The following MST1 variants were observed in gnomAD, a reference collection of about 807,000 sequenced individuals.
MST1 encodes the protein macrophage stimulating 1, also known as hepatocyte growth factor-like protein.
In MST1, 76 loss-of-function variants were observed where a neutral mutation model predicts 100.1. That is an observed-to-expected ratio of 0.76 (90% CI 0.63 to 0.92). The LOEUF is 0.92. MST1 is among the 40% of genes least tolerant of loss of function. MST1 has a pLI of 0.00. For missense variants in MST1, 850 were observed against 990.0 expected, an observed-to-expected ratio of 0.86 and a Z score of 1.90; for synonymous variants, 352 against 385.4, an observed-to-expected ratio of 0.91 and a Z score of 1.01.
At chr3:49,686,267 A>G in intron 8 of MST1, 46 bp downstream of exon 8, 1 of 1,525,404 alleles carries the variant, frequency 6.6e-7, no homozygotes, top group South Asian at 1.1e-5. Flanking sequence ...CTCCCGTCTC[A>G]CCCGCAGCAG....
At chr3:49,686,566 A>G (rs2053775902) in intron 7 of MST1, 85 bp from the exon 8 acceptor site, 2 of 1,566,172 alleles carry the variant, frequency 1.3e-6, no homozygotes, top group Non-Finnish European at 1.7e-6. Flanking sequence ...TCCCAGGTGT[A>G]CGGTACTCCA....
At position 49,685,261 on chromosome 3, in the gene MST1, C is replaced by A; in HGVS notation, c.1544+1G>T. On this transcript the variant is annotated splice_donor_variant, in intron 13 of 17. Transcript: ENST00000449682. LOFTEE classifies it high-confidence loss of function. The stretch of plus-strand genomic sequence containing the variant: ...GTGGGAGACAGGCAGTTGTGCCTCA[C>A]CGATTCCGCAAGCTGACTGTCCAGG... The A allele has an allele frequency of 6.2e-7, 1 of 1,613,240 alleles. No homozygotes were observed. The highest frequency in any genetic ancestry group is 8.5e-7 in the Non-Finnish European group (1 of 1,179,806).
chr3:49,687,721 A>G (rs755730406), intron 2 of MST1, 29 bp downstream of exon 2: 4 of 1,613,512 alleles, frequency 2.5e-6, no homozygotes, highest in Non-Finnish European at 2.5e-6. Context: ...CCCTGCCCCC[A>G]GTCTTATCTA....
At position 49,688,603 on chromosome 3, in the gene MST1, A is replaced by C. The variant is rs2054009815; in HGVS notation, c.89T>G (p.Val30Gly). 6.2e-7 allele frequency: 1 copy of C among 1,612,110 alleles called. No homozygotes were observed. Among genetic ancestry groups the C allele is most frequent in the South Asian group, 1.1e-5 (1 of 90,578 alleles). ...TCAGGGTTGGGGGCACTTACCAGGG[A>C]CCCCTAAGCATTGAGTCAGAAGCAG... ...LLLLLTQCLGVPGQRSPLNDF... is the reference protein window; with the variant it reads ...LLLLLTQCLGGPGQRSPLNDF... Residue 30 changes from valine (V) to glycine (G), a missense_variant, in exon 1 of 18, where the codon GTC becomes GGC. Around this residue, in one of 2 missense-constraint regions of MST1, gnomAD observed 34 missense variants for 65.5 expected, o/e 0.52. Coordinates refer to ENST00000449682, the MANE Select transcript of MST1 (RefSeq NM_020998.4).
At position 49,687,060 on chromosome 3, in the gene MST1, A is replaced by C. The variant is rs1296995063; in HGVS notation, c.615T>G (p.Cys205Trp). The C allele has an allele frequency of 1.2e-6, 2 of 1,612,288 alleles. No individual in the cohort carries two copies. ...GGTATTCCTCGCCATTGCACCAGACACACGCGGCTGGAGACAAAGAGCCAG... is the reference window on the plus strand; with the variant it reads ...GGTATTCCTCGCCATTGCACCAGACCCACGCGGCTGGAGACAAAGAGCCAG... ...CGIKSCREAACVWCNGEEYRG... is the reference protein window; with the variant it reads ...CGIKSCREAAWVWCNGEEYRG... Residue 205 changes from cysteine (C) to tryptophan (W), a missense_variant, in exon 6 of 18, where the codon TGT (cysteine) becomes TGG (tryptophan). By Grantham distance (215) the Cys-to-Trp change is radical. This residue lies in a region of MST1 where 816 missense variants were observed against 924.6 expected (regional missense o/e 0.88). Coordinates refer to ENST00000449682, the MANE Select transcript of MST1 (RefSeq NM_020998.4).
At position 49,687,030 on chromosome 3, in the gene MST1, G is replaced by T; in HGVS notation, c.645C>A (p.Gly215=). The T allele has an allele frequency of 2.5e-6, 4 of 1,611,648 alleles. No homozygotes were observed. The highest frequency in any genetic ancestry group is 3.4e-6 in the Non-Finnish European group (4 of 1,179,846). Residue 215 remains glycine (G), a synonymous_variant, in exon 6 of 18, where the codon GGC becomes GGA. Transcript: ENST00000449682. ...CVWCNGEEYR[G]AVDRTESGRE... is the part of the protein sequence containing the mutation. Reference sequence around the variant, plus strand: ...GCCCTGACTCCGTGCGGTCTACCGCGCCGCGGTATTCCTCGCCATTGCACC... The same window carrying T: ...GCCCTGACTCCGTGCGGTCTACCGCTCCGCGGTATTCCTCGCCATTGCACC...
rs535257518 is a variant in MST1 at position 49,686,128 on chromosome 3, G to T, written c.1081C>A (p.Arg361=). Residue 361 remains arginine (R), a synonymous_variant, in exon 9 of 18, where the codon CGG becomes AGG. Transcript: ENST00000449682. ...CAAAAGGCCGCGCGCATGCCGGGCCGCAGTGTGAAGCACCAGGGCGCCTCT... is the reference window on the plus strand; with the variant it reads ...CAAAAGGCCGCGCGCATGCCGGGCCTCAGTGTGAAGCACCAGGGCGCCTCT... ...GSEAPWCFTL[R]PGMRAAFCYQ... 1.9e-6 allele frequency: 3 copies of T among 1,611,084 alleles called. No individual in the cohort carries two copies. The African/African-American group carries it at 4.0e-5, about 22-fold the overall frequency.
In MST1 at chr3:49,685,013, A is replaced by C. The variant is rs2053582921; in HGVS notation, c.1621T>G (p.Cys541Gly). The change falls in exon 14 of 18, where the codon TGC becomes GGC. Residue 541 changes from cysteine to glycine, a missense_variant and splice_region_variant. Around this residue, in one of 2 missense-constraint regions of MST1, gnomAD observed 816 missense variants for 924.6 expected, o/e 0.88. Transcript: ENST00000449682. ...ILTARQCFSS[C>G]HMPLTGYEVW... The stretch of plus-strand genomic sequence containing the variant: ...TCCCCAAACACAAGGGAGGCTCACC[A>C]GGAGGAGAAGCACTGCCGGGCAGTC... 2.0e-5 allele frequency: 32 copies of C among 1,612,144 alleles called. No homozygotes were observed. Among genetic ancestry groups the C allele is most frequent in the Non-Finnish European group, 2.5e-5 (30 of 1,179,296 alleles).
chr3:49,686,613 C>A, intron 7 of MST1, 71 bp downstream of exon 7: 1 of 1,550,124 alleles, frequency 6.5e-7, no homozygotes, highest in Non-Finnish European at 8.7e-7. Context: ...GCCCCTCTTA[C>A]CTCCCCGGCC....
At position 49,687,565 on chromosome 3, in the gene MST1, G is replaced by C; in HGVS notation, c.346C>G (p.Gln116Glu). The change falls in exon 3 of 18, where the codon CAG (glutamine) becomes GAG (glutamate). Residue 116 changes from glutamine to glutamate, a missense_variant. Gln to Glu is a conservative substitution (Grantham distance 29). This residue lies in a region of MST1 where 816 missense variants were observed against 924.6 expected (regional missense o/e 0.88). Coordinates refer to ENST00000449682, the MANE Select transcript of MST1 (RefSeq NM_020998.4). ...CTCCACCCCCACTTGCCTTTCTTCT[G>C]GAAGAGGTCACAGCGCCCAGAACGC... is the stretch of plus-strand genomic sequence containing the variant. ...LRRSGRCDLF[Q>E]KKDYVRTCIM... The C allele has an allele frequency of 6.2e-7, 1 of 1,613,516 alleles. No individual in the cohort carries two copies. Among genetic ancestry groups the C allele is most frequent in the South Asian group, 1.1e-5 (1 of 91,078 alleles).
chr3:49,687,217 C>T lies in MST1; in HGVS notation c.539G>A (p.Gly180Asp), dbSNP rs375128236. ...FCRNPDGDPG[G>D]PWCYTTDPAV... Reference sequence around the variant, plus strand: ...AGGGTCTGTTGTGTAGCACCAAGGACCTCCGGGGTCGCCATCAGGGTTACG... The same window carrying T: ...AGGGTCTGTTGTGTAGCACCAAGGATCTCCGGGGTCGCCATCAGGGTTACG... The change falls in exon 5 of 18, where the codon GGT (glycine) becomes GAT (aspartate). Residue 180 changes from glycine (G) to aspartate (D), a missense_variant. Physicochemically the swap from Gly to Asp is moderately conservative, Grantham distance 94 (BLOSUM62 -1). Around this residue, in one of 2 missense-constraint regions of MST1, gnomAD observed 816 missense variants for 924.6 expected, o/e 0.88. Transcript: ENST00000449682. 15 of 1,613,368 alleles carry T rather than the reference C, an allele frequency of 9.3e-6. No individual in the cohort carries two copies. The highest frequency in any genetic ancestry group is 1.2e-5 in the Non-Finnish European group (14 of 1,179,892).
Position 49,686,958 on chromosome 3 carries a change from G to A in MST1, c.717C>T (p.Phe239=), listed in dbSNP as rs1238434379. 7 of 1,611,216 alleles carry A rather than the reference G, an allele frequency of 4.3e-6. No individual in the cohort carries two copies. The highest frequency in any genetic ancestry group is 5.9e-6 in the Non-Finnish European group (7 of 1,179,724). ...CCGCCTACGCGTACTTGCCCGGCTCGAAGGGGTGCTGGTGCGGGTGCTGAA... is the reference window on the plus strand; with the variant it reads ...CCGCCTACGCGTACTTGCCCGGCTCAAAGGGGTGCTGGTGCGGGTGCTGAA... The part of the protein sequence containing the change: ...WDLQHPHQHP[F]EPGKFLDQGL... Residue 239 remains phenylalanine, a synonymous_variant, in exon 6 of 18, where the codon TTC becomes TTT. Coordinates refer to ENST00000449682, the MANE Select transcript of MST1 (RefSeq NM_020998.4).
chr3:49,687,745 C>T lies in MST1; in HGVS notation c.242+5G>A, dbSNP rs368752247. 2 of 1,613,436 alleles carry T rather than the reference C, an allele frequency of 1.2e-6. No homozygotes were observed. The highest frequency in any genetic ancestry group is 1.3e-5 in the African/African-American group (1 of 74,926). The stretch of plus-strand genomic sequence containing the variant: ...CAGTCTTATCTAGGCCCAGTGGCCA[C>T]TCACCGGCAGTCCATTAAGGGCCCA... On this transcript the variant is annotated splice_donor_5th_base_variant and intron_variant, in intron 2 of 17. Coordinates refer to ENST00000449682, the MANE Select transcript of MST1 (RefSeq NM_020998.4).
In MST1 at chr3:49,686,268, C is replaced by G. The variant is rs563926900; in HGVS notation, c.1016+45G>C. 8.7e-6 allele frequency: 14 copies of G among 1,604,070 alleles called. No homozygotes were observed. The East Asian group carries it at 2.9e-4, about 34-fold the overall frequency. Reference sequence around the variant, plus strand: ...CCGTGACTACCTTCCTCCCGTCTCACCCGCAGCAGCACGTCCCAACGCCCG... The same window carrying G: ...CCGTGACTACCTTCCTCCCGTCTCAGCCGCAGCAGCACGTCCCAACGCCCG... On this transcript the variant is annotated intron_variant, in intron 8 of 17. Coordinates refer to ENST00000449682, the MANE Select transcript of MST1 (RefSeq NM_020998.4).
Position 49,684,334 on chromosome 3 carries a change from C to A in MST1, c.1996G>T (p.Ala666Ser), listed in dbSNP as rs542575850. ...ESEMCTEGLL[A>S]PVGACEGDYG... ...CCAACCTCACAGGCCCCCACAGGGG[C>A]CAACAGTCCCTCAGTGCACATCTCA... Residue 666 changes from alanine (A) to serine (S), a missense_variant, in exon 17 of 18, where the codon GCC (alanine) becomes TCC (serine). Ala to Ser is a moderately conservative substitution (Grantham distance 99). Around this residue, in one of 2 missense-constraint regions of MST1, gnomAD observed 816 missense variants for 924.6 expected, o/e 0.88. Coordinates refer to ENST00000449682, the MANE Select transcript of MST1 (RefSeq NM_020998.4). 24 of 1,613,152 alleles carry A rather than the reference C, an allele frequency of 1.5e-5. No homozygotes were observed. In the African/African-American group the frequency reaches 3.1e-4, roughly 21 times the overall value.
At position 49,685,310 on chromosome 3, in the gene MST1, A is replaced by G. The variant is rs3882325; in HGVS notation, c.1496T>C (p.Val499Ala). The G allele has an allele frequency of 1.9e-6, 3 of 1,613,168 alleles. No individual in the cohort carries two copies. Among genetic ancestry groups the G allele is most frequent in the Non-Finnish European group, 2.5e-6 (3 of 1,179,818 alleles). ...LDQRRSKLRV[V>A]GGHPGNSPWT... Reference sequence around the variant, plus strand: ...GGGTGAGTTGCCCGGATGGCCCCCAACCACGCGCAGCTTGGAACGCCGCTG... The same window carrying G: ...GGGTGAGTTGCCCGGATGGCCCCCAGCCACGCGCAGCTTGGAACGCCGCTG... Residue 499 changes from valine (V) to alanine (A), a missense_variant, in exon 13 of 18, where the codon GTT becomes GCT. Physicochemically the swap from Val to Ala is moderately conservative, Grantham distance 64. Coordinates refer to ENST00000449682, the MANE Select transcript of MST1 (RefSeq NM_020998.4).
At position 49,683,953 on chromosome 3, in the gene MST1, C is replaced by T; in HGVS notation, c.*75G>A. On this transcript the variant is annotated 3_prime_UTR_variant, in exon 18 of 18. Coordinates refer to ENST00000449682, the MANE Select transcript of MST1 (RefSeq NM_020998.4). ...AAAGGCTAAGAAGCATCTGTACAGG[C>T]ATAAAGAGGAAACATGGCTTTATGT... The T allele has an allele frequency of 1.3e-6, 2 of 1,567,626 alleles. No homozygotes were observed. Among genetic ancestry groups the T allele is most frequent in the Non-Finnish European group, 8.6e-7 (1 of 1,157,778 alleles).
chr3:49,687,510 C>T, intron 3 of MST1, 32 bp from the exon 4 acceptor site: 1 of 1,613,450 alleles, frequency 6.2e-7, no homozygotes, highest in Non-Finnish European at 8.5e-7. Context: ...TCAACTTGGG[C>T]TGAGGTCCCC....
At chr3:49,687,526 C>G (rs1452028860) in intron 3 of MST1, 30 bp downstream of exon 3, 2 of 1,613,398 alleles carry the variant, frequency 1.2e-6, no homozygotes, top group Non-Finnish European at 1.7e-6. Context: ...TCCCCTGTCT[C>G]CCACCCTGCC....
Sources: allele counts gnomAD v4.1 joint callset, GRCh38; gene constraint gnomAD v4.1.1; regional missense constraint gnomAD v4.1.1; transcripts MANE v1.5; gene names NCBI Gene and HGNC (gene_info 2026-07-23, HGNC 2026-07-21).